NPR1: variants seen among roughly 807,000 people sequenced by gnomAD.
NPR1 encodes the protein natriuretic peptide receptor 1, also known as atrial natriuretic peptide receptor 1.
Under a neutral mutation model 116.9 loss-of-function variants are expected in NPR1, and 57 were observed. The ratio of observed to expected loss-of-function variants is 0.49; its 90% CI spans 0.39 to 0.61. NPR1 has a LOEUF of 0.61. Ranked by LOEUF, NPR1 falls within the 20% of genes least tolerant of loss-of-function variation. NPR1 has a pLI of 0.00. For synonymous variants in NPR1, 555 were observed against 601.6 expected (o/e 0.92, Z 1.13); for missense variants, 1,096 against 1,409.8 (o/e 0.78, Z 3.56).
intron 10 of NPR1, 89 bp from the exon 11 acceptor site, chr1:153,686,557 T>C (rs1669933835): frequency 4.8e-6 from 5 of 1,040,904 alleles, no homozygotes; most frequent in Non-Finnish European, 7.4e-6. Context: ...GAATAAGGAG[T>C]TAAGAAGAGT....
At chr1:153,692,840 T>A (rs913389457) in intron 20 of NPR1, among the ~76,000 whole-genome samples, 4 of 152,154 alleles carry the variant, frequency 2.6e-5, no homozygotes, top group Admixed American at 1.3e-4. Context: ...TTAGTTTAAA[T>A]TAATTTAAGT....
At chr1:153,693,271 C>A in intron 21 of NPR1, 74 bp downstream of exon 21, 1 of 1,594,464 alleles carries the variant, frequency 6.3e-7, no homozygotes, top group Non-Finnish European at 8.6e-7. Flanking sequence ...GCAGCCAATG[C>A]CACTCCCATC....
intron 20 of NPR1, among the ~76,000 whole-genome samples, chr1:153,692,029 C>T (rs1033488996): frequency 2.6e-5 from 4 of 152,100 alleles, no homozygotes; most frequent in Non-Finnish European, 5.9e-5. Context: ...TATTGGGCCC[C>T]ACTCCATCAC....
Position 153,686,737 on chromosome 1 carries a change from G to A in NPR1, c.1850G>A (p.Arg617His), listed in dbSNP as rs1235250003. ...TGCATCCTCACAGAGTACTGTCCCC[G>A]TGGGAGCCTGCAGGTGAGGGGGACA... ...NICILTEYCPRGSLQDILENE... is the reference protein window; with the variant it reads ...NICILTEYCPHGSLQDILENE... The change falls in exon 11 of 22, where the codon CGT (arginine) becomes CAT (histidine). Residue 617 changes from arginine to histidine, a missense_variant. Physicochemically the swap from Arg to His is conservative, Grantham distance 29. Transcript: ENST00000368680. 3 of 1,613,776 alleles carry A rather than the reference G, an allele frequency of 1.9e-6. No individual in the cohort carries two copies. The highest frequency in any genetic ancestry group is 1.7e-5 in the Admixed American group (1 of 59,978).
chr1:153,691,948 C>T (rs1292203724), intron 20 of NPR1, among the ~76,000 whole-genome samples: 1 of 151,264 alleles, frequency 6.6e-6, no homozygotes, highest in East Asian at 1.9e-4. Context: ...ACAACAAGGC[C>T]ACTGTGATTG....
chr1:153,690,906 C>T lies in NPR1; in HGVS notation c.3031+524C>T, dbSNP rs1320403259. 6.2e-5 allele frequency among the ~76,000 whole-genome samples: 9 copies of T among 145,346 alleles called. 1 individual carries two copies. In the South Asian group the frequency reaches 1.7e-3, roughly 28 times the overall value. ...TGCGATGAGCCAAGATTACACCACGCACCCCAGCTTGGGCAATAAGAGTTA... is the reference window on the plus strand; with the variant it reads ...TGCGATGAGCCAAGATTACACCACGTACCCCAGCTTGGGCAATAAGAGTTA... On this transcript the variant is annotated intron_variant, in intron 20 of 21. Coordinates refer to ENST00000368680, the MANE Select transcript of NPR1 (RefSeq NM_000906.4).
intron 2 of NPR1, 43 bp downstream of exon 2, chr1:153,680,743 C>T: frequency 6.7e-7 from 1 of 1,498,128 alleles, no homozygotes; most frequent in Non-Finnish European, 9.2e-7. Flanking sequence ...CAGCTTGTGG[C>T]ACATCATTTC....
chr1:153,684,965 A>G lies in NPR1; in HGVS notation c.1486A>G (p.Lys496Glu), dbSNP rs1669885480. The G allele has an allele frequency of 6.2e-7, 1 of 1,614,008 alleles. No homozygotes were observed. Reference protein sequence around the residue: ...ILIVSFFIYRKMQLEKELASE... With the variant: ...ILIVSFFIYREMQLEKELASE... The stretch of plus-strand genomic sequence containing the variant: ...TCAGATGCAGCCTTCGTATCCCAGG[A>G]AGATGCAGCTGGAGAAGGAACTGGC... The change falls in exon 8 of 22, where the codon AAG becomes GAG. Residue 496 changes from lysine to glutamate, a missense_variant and splice_region_variant. Lys to Glu is a moderately conservative substitution (Grantham distance 56). Coordinates refer to ENST00000368680, the MANE Select transcript of NPR1 (RefSeq NM_000906.4).
chr1:153,691,898 AG>A (rs1170441127), intron 20 of NPR1, among the ~76,000 whole-genome samples: 35 of 149,850 alleles, frequency 2.3e-4, no homozygotes, highest in African/African-American at 8.8e-4. Context: ...AAAAAAAAAA[AG>A]AGAGAAAGAA....
intron 8 of NPR1, 115 bp downstream of exon 8, chr1:153,685,199 CT>C (rs1193221828): frequency 7.2e-7 from 1 of 1,389,026 alleles, no homozygotes; most frequent in Non-Finnish European, 9.7e-7. Flanking sequence ...CTTTCACTTG[CT>C]GTGTGACCTT....
intron 5 of NPR1, among the ~76,000 whole-genome samples, chr1:153,682,990 C>T (rs186589786): frequency 5.8e-4 from 88 of 152,330 alleles, no homozygotes; most frequent in Non-Finnish European, 9.3e-4. Flanking sequence ...TCCTGGAAGA[C>T]GGGCACATGG....
chr1:153,685,300 A>G (rs1669897814), intron 8 of NPR1, among the ~76,000 whole-genome samples: 1 of 151,846 alleles, frequency 6.6e-6, no homozygotes, highest in Admixed American at 6.6e-5. Flanking sequence ...AGGTCAGAGG[A>G]GATAGTACCT....
At chr1:153,692,548 G>A (rs1389842578) in intron 20 of NPR1, among the ~76,000 whole-genome samples, 7 of 146,292 alleles carry the variant, frequency 4.8e-5, no homozygotes, top group Admixed American at 1.4e-4. Flanking sequence ...TCGCTCTGTC[G>A]CCCAGCCTGG....
rs763954604 is a variant in NPR1, at chr1:153,689,211, G to A, written c.2588G>A (p.Arg863His). 67 of 1,614,096 alleles carry A rather than the reference G, an allele frequency of 4.2e-5. No homozygotes were observed. The highest frequency in any genetic ancestry group is 1.6e-4 in the African/African-American group (12 of 74,938). ...AGCTCAGTGGCTGAGCAGCTGAAGC[G>A]TGGGGAGACGGTGCAGGCCGAAGCC... Reference protein sequence around the residue: ...LPHSVAEQLKRGETVQAEAFD... With the variant: ...LPHSVAEQLKHGETVQAEAFD... The change falls in exon 17 of 22, where the codon CGT becomes CAT. Residue 863 changes from arginine (R) to histidine (H), a missense_variant. Coordinates refer to ENST00000368680, the MANE Select transcript of NPR1 (RefSeq NM_000906.4). The surrounding 1 kb of genome is among the most constrained non-coding windows in gnomAD (Gnocchi z 5.1).
chr1:153,687,009 C>G lies in NPR1; in HGVS notation c.1864-7C>G. On this transcript the variant is annotated splice_polypyrimidine_tract_variant and splice_region_variant and intron_variant, in intron 11 of 21. Coordinates refer to ENST00000368680, the MANE Select transcript of NPR1 (RefSeq NM_000906.4). ...GGGGATTGGTCTGACTCTTATTGCC[C>G]CAGCAGGACATTCTGGAGAATGAGA... The G allele has an allele frequency of 6.2e-7, 1 of 1,614,042 alleles. No individual in the cohort carries two copies. Among genetic ancestry groups the G allele is most frequent in the Non-Finnish European group, 8.5e-7 (1 of 1,179,944 alleles).
At chr1:153,686,081 G>A (rs1271506753) in intron 9 of NPR1, 42 bp from the exon 10 acceptor site, 1 of 1,596,134 alleles carries the variant, frequency 6.3e-7, no homozygotes, top group South Asian at 1.1e-5. Context: ...CCAGGACATG[G>A]GACCATGCTC....
Position 153,680,593 on chromosome 1 carries a change from C to T in NPR1, c.814C>T (p.His272Tyr), listed in dbSNP as rs936930748. 6.2e-7 allele frequency: 1 copy of T among 1,614,030 alleles called. No homozygotes were observed. Among genetic ancestry groups the T allele is most frequent in the Non-Finnish European group, 8.5e-7 (1 of 1,180,036 alleles). Residue 272 changes from histidine to tyrosine, a missense_variant, in exon 2 of 22, where the codon CAC becomes TAC. By Grantham distance (83) the His-to-Tyr change is moderately conservative. Coordinates refer to ENST00000368680, the MANE Select transcript of NPR1 (RefSeq NM_000906.4). ...GLCGEDYVFF[H>Y]LDIFGQSLQG... is the part of the protein sequence containing the mutation. Reference sequence around the variant, plus strand: ...GTGTGGGGAGGACTACGTTTTCTTCCACCTGGATATCTTTGGGCAAAGCCT... The same window carrying T: ...GTGTGGGGAGGACTACGTTTTCTTCTACCTGGATATCTTTGGGCAAAGCCT...
rs1243042253 is a variant in NPR1 at position 153,679,968 on chromosome 1, T to C, written c.721+139T>C. The C allele has an allele frequency of 1.7e-6, 2 of 1,191,128 alleles. No individual in the cohort carries two copies. The highest frequency in any genetic ancestry group is 5.2e-5 in the East Asian group (2 of 38,672). The allele number at this position is 1,191,128 out of a possible 1,614,324, so 73.8% of individuals were successfully genotyped here. A position where few individuals can be genotyped will look rare whatever the true frequency, so the allele number is the denominator to read the frequency against. On this transcript the variant is annotated intron_variant, in intron 1 of 21. Transcript: ENST00000368680. This position sits in a 1 kb window ranked among gnomAD's most constrained non-coding sequence, Gnocchi z 4.2. Reference sequence around the variant, plus strand: ...GTTCTTCATTCTACTTTCAGCTCCCTGGCCCTTTCTACAGCTGAGTTTCTA... The same window carrying C: ...GTTCTTCATTCTACTTTCAGCTCCCCGGCCCTTTCTACAGCTGAGTTTCTA...
At chr1:153,683,664 A>C (rs1326067586) in intron 6 of NPR1, 76 bp from the exon 7 acceptor site, 3 of 1,553,222 alleles carry the variant, frequency 1.9e-6, no homozygotes, top group Non-Finnish European at 2.7e-6. Context: ...CAGTTCACTG[A>C]TGGACTATTA....
Sources: allele counts gnomAD v4.1 joint callset (sites outside exome capture counted in the v4.1 genomes callset), GRCh38; gene constraint gnomAD v4.1.1; non-coding constraint Gnocchi (gnomAD v3.1); transcripts MANE v1.5; gene names NCBI Gene and HGNC (gene_info 2026-07-23, HGNC 2026-07-21).